Variants in HECA observed in about 807,000 individuals in gnomAD.
The protein encoded by HECA is headcase protein homolog.
In HECA, 13 loss-of-function variants were observed where a neutral mutation model predicts 37.6. The observed-to-expected ratio is 0.35, with a 90% CI of 0.23 to 0.55. HECA has a LOEUF of 0.55. Ranked by LOEUF, HECA falls within the 20% of genes least tolerant of loss-of-function variation. The pLI, the probability that HECA is intolerant of heterozygous loss-of-function variation, is 0.90. For missense variants in HECA, 527 were observed against 701.9 expected, an observed-to-expected ratio of 0.75 and a Z score of 2.82; for synonymous variants, 307 against 291.5, an observed-to-expected ratio of 1.05 and a Z score of -0.54.
intron 1 of HECA, among the ~76,000 whole-genome samples, chr6:139,149,771 A>G (rs1290026962): frequency 6.6e-6 from 1 of 152,150 alleles, no homozygotes; most frequent in Non-Finnish European, 1.5e-5. Flanking sequence ...GCTACTGCAA[A>G]CAGCCTTTCT....
intron 1 of HECA, among the ~76,000 whole-genome samples, chr6:139,150,297 T>C (rs559690461): frequency 5.9e-5 from 9 of 152,328 alleles, no homozygotes; most frequent in African/African-American, 1.9e-4. Context: ...ATATTTTATA[T>C]GGAATCATTA....
At chr6:139,135,737 G>C (rs537534108) in intron 1 of HECA, 70 bp downstream of exon 1, 2 of 677,684 alleles carry the variant, frequency 3.0e-6, no homozygotes, top group South Asian at 6.5e-5. Context: ...CGGGGCCCTG[G>C]GTGGCGCGGG....
chr6:139,164,379 A>G, intron 1 of HECA, among the ~76,000 whole-genome samples: 1 of 150,978 alleles, frequency 6.6e-6, no homozygotes, highest in Non-Finnish European at 1.5e-5. Context: ...TGGGGGTATC[A>G]TGATGGGGAA....
intron 1 of HECA, among the ~76,000 whole-genome samples, chr6:139,151,951 CTTGG>C (rs1293679984): frequency 6.6e-6 from 1 of 152,144 alleles, no homozygotes; most frequent in Non-Finnish European, 1.5e-5. Flanking sequence ...GCTGAATGGC[CTTGG>C]GCACATCACC....
chr6:139,160,707 C>G (rs1774786974), intron 1 of HECA, among the ~76,000 whole-genome samples: 1 of 152,184 alleles, frequency 6.6e-6, no homozygotes, highest in Non-Finnish European at 1.5e-5. Flanking sequence ...AGCCACTGTG[C>G]CTGGCCATAC....
chr6:139,136,183 G>A (rs1250451877), intron 1 of HECA, among the ~76,000 whole-genome samples: 9 of 151,588 alleles, frequency 5.9e-5, no homozygotes, highest in African/African-American at 1.7e-4. Context: ...AGACATTTAG[G>A]GCCTCTGTGT....
intron 1 of HECA, among the ~76,000 whole-genome samples, chr6:139,146,496 T>G (rs1001418889): frequency 2.0e-5 from 3 of 152,210 alleles, no homozygotes; most frequent in Admixed American, 1.3e-4. Flanking sequence ...GGTAACACAC[T>G]AGTTGTTATG....
At chr6:139,149,231 G>T (rs1774623154) in intron 1 of HECA, among the ~76,000 whole-genome samples, 1 of 152,152 alleles carries the variant, frequency 6.6e-6, no homozygotes, top group South Asian at 2.1e-4. Context: ...TGATTTGGAA[G>T]AGGTTTCCAA....
chr6:139,146,846 G>A lies in HECA; in HGVS notation c.271+11179G>A, dbSNP rs539224278. ...ATGTCACAGTGACTTTCTTTACCTC[G>A]GTAATGATACAGTTCCACTGTGTTA... On this transcript the variant is annotated intron_variant, in intron 1 of 3. Transcript: ENST00000367658. Among the ~76,000 whole-genome samples, 3 of 152,282 alleles carry A rather than the reference G, an allele frequency of 2.0e-5. No individual in the cohort carries two copies. The East Asian group carries it at 5.8e-4, about 29-fold the overall frequency.
intron 2 of HECA, among the ~76,000 whole-genome samples, chr6:139,174,022 A>G (rs563264134): frequency 5.3e-5 from 8 of 152,352 alleles, no homozygotes; most frequent in African/African-American, 1.9e-4. Context: ...TATGCTAAAC[A>G]TAAACTTTTG....
chr6:139,143,369 A>T (rs1248055503), intron 1 of HECA, among the ~76,000 whole-genome samples: 1 of 152,202 alleles, frequency 6.6e-6, no homozygotes, highest in Non-Finnish European at 1.5e-5. Flanking sequence ...TTAAGAACAG[A>T]CACTGAGAGA....
intron 1 of HECA, among the ~76,000 whole-genome samples, chr6:139,151,448 C>T (rs1369730593): frequency 7.9e-6 from 1 of 126,354 alleles, no homozygotes; most frequent in Non-Finnish European, 1.6e-5. Context: ...AGAATGCAGG[C>T]AAGGCAGGCT....
intron 1 of HECA, among the ~76,000 whole-genome samples, chr6:139,164,048 TCACA>T (rs879793262): frequency 2.8e-5 from 4 of 142,642 alleles, no homozygotes; most frequent in Non-Finnish European, 6.1e-5. Context: ...GCATGGACTC[TCACA>T]CACACACACA....
Position 139,177,389 on chromosome 6 carries a change from G to T in HECA, c.*284G>T. 4.4e-6 allele frequency: 1 copy of T among 229,384 alleles called. No homozygotes were observed. The highest frequency in any genetic ancestry group is 8.4e-6 in the Non-Finnish European group (1 of 118,486). The allele number at this position is 229,384 out of a possible 1,614,324, so 14.2% of individuals were successfully genotyped here. On this transcript the variant is annotated 3_prime_UTR_variant, in exon 4 of 4. Coordinates refer to ENST00000367658, the MANE Select transcript of HECA (RefSeq NM_016217.3). The surrounding 1 kb of genome is among the most constrained non-coding windows in gnomAD (Gnocchi z 4.9). Reference sequence around the variant, plus strand: ...AGCTTTAAGATGGTGGGGAGGATGGGGTGAATTTAGGAAAGGAATTTGTGG... The same window carrying T: ...AGCTTTAAGATGGTGGGGAGGATGGTGTGAATTTAGGAAAGGAATTTGTGG...
intron 1 of HECA, among the ~76,000 whole-genome samples, chr6:139,145,237 T>C (rs1170242319): frequency 1.3e-5 from 2 of 152,258 alleles, no homozygotes; most frequent in African/African-American, 4.8e-5. Context: ...GCAACTTGCT[T>C]TATTTAATCA....
chr6:139,173,286 A>G (rs1209968184), intron 2 of HECA, among the ~76,000 whole-genome samples: 2 of 152,038 alleles, frequency 1.3e-5, no homozygotes, highest in African/African-American at 4.8e-5. Flanking sequence ...CCCAACATAC[A>G]CTTATAAAGT....
chr6:139,141,754 T>TTC (rs374888970), intron 1 of HECA, among the ~76,000 whole-genome samples: 2,025 of 38,434 alleles, frequency 0.053, 53 homozygotes, highest in South Asian at 0.11. Flanking sequence ...AAACACCTTC[T>TTC]TTTTTTTTTT....
At position 139,135,266 on chromosome 6, in the gene HECA, A is replaced by G. The variant is rs1173884293; in HGVS notation, c.-131A>G. On this transcript the variant is annotated 5_prime_UTR_variant, in exon 1 of 4. Transcript: ENST00000367658. ...GGCACGGGCCGTGCGGCTAGACGGGAGCCGAGGGAACCGCCGGCTCGCGCC... is the reference window on the plus strand; with the variant it reads ...GGCACGGGCCGTGCGGCTAGACGGGGGCCGAGGGAACCGCCGGCTCGCGCC... 8.6e-6 allele frequency: 6 copies of G among 701,116 alleles called. No homozygotes were observed. The allele number at this position is 701,116 out of a possible 1,614,324, so 43.4% of individuals were successfully genotyped here.
chr6:139,172,681 C>G (rs1746702837), intron 2 of HECA, among the ~76,000 whole-genome samples: 1 of 152,084 alleles, frequency 6.6e-6, no homozygotes, highest in Non-Finnish European at 1.5e-5. Context: ...TCAGTCCAGA[C>G]CAGGTGTTCC....
Sources: allele counts gnomAD v4.1 joint callset (sites outside exome capture counted in the v4.1 genomes callset), GRCh38; gene constraint gnomAD v4.1.1; non-coding constraint Gnocchi (gnomAD v3.1); transcripts MANE v1.5; gene names NCBI Gene and HGNC (gene_info 2026-07-23, HGNC 2026-07-21).